The following TENM3 variants were observed in gnomAD, a reference collection of about 807,000 sequenced individuals.
The protein encoded by TENM3 is teneurin transmembrane protein 3.
In TENM3, 63 loss-of-function variants were observed where a neutral mutation model predicts 255.1. The ratio of observed to expected loss-of-function variants is 0.25; its 90% CI spans 0.20 to 0.30. The LOEUF is 0.30. Ranked by LOEUF, TENM3 falls within the 10% of genes least tolerant of loss-of-function variation. The probability of loss-of-function intolerance (pLI) is 1.00; values close to 1 mark genes in which losing one functional copy is unlikely to be tolerated. For missense variants in TENM3, 2,929 were observed against 3,461.1 expected (o/e 0.85, Z 3.86); for synonymous variants, 1,306 against 1,322.3 (o/e 0.99, Z 0.27).
the TENM3 span, among the ~76,000 whole-genome samples, chr4:181,605,294 GAAA>G: frequency 4.0e-4 from 60 of 150,736 alleles, no homozygotes; most frequent in African/African-American, 1.4e-3. Flanking sequence ...AAAGAAAAAA[GAAA>G]AAAAAGAATT....
intron 3 of TENM3, among the ~76,000 whole-genome samples, chr4:182,409,833 T>C (rs1769854821): frequency 6.6e-6 from 1 of 151,976 alleles, no homozygotes; most frequent in Non-Finnish European, 1.5e-5. Flanking sequence ...TTTTTCTTTT[T>C]TTTTTTTATT....
intron 12 of TENM3, among the ~76,000 whole-genome samples, chr4:182,706,424 C>T (rs565256720): frequency 3.9e-5 from 6 of 152,136 alleles, no homozygotes; most frequent in South Asian, 2.1e-4. Context: ...GTAGTTATTG[C>T]GAATACCACT....
At chr4:182,620,815 A>G (rs969353698) in intron 4 of TENM3, among the ~76,000 whole-genome samples, 1 of 152,106 alleles carries the variant, frequency 6.6e-6, no homozygotes, top group Non-Finnish European at 1.5e-5. Context: ...TGCAGCCTCA[A>G]ACTTCTGGGC....
intron 5 of TENM3, among the ~76,000 whole-genome samples, chr4:182,630,101 C>A (rs1263978024): frequency 2.0e-5 from 3 of 152,114 alleles, no homozygotes; most frequent in Non-Finnish European, 4.4e-5. Flanking sequence ...CCTCTGACGG[C>A]CTCTACCAGT....
At chr4:182,101,054 A>AACAGAGGAAGGG in the TENM3 span, among the ~76,000 whole-genome samples, 1 of 26,688 alleles carries the variant, frequency 3.7e-5, no homozygotes, top group Non-Finnish European at 7.9e-5. Flanking sequence ...CAAAAAAAGG[A>AACAGAGGAAGGG]AGGAAGGGAG....
In TENM3 at chr4:182,620,091, A is replaced by G. The variant is rs368640852; in HGVS notation, c.750-8560A>G. ...GATAGCAATTTTTGCAGAATTTTTT[A>G]CGTGTGAGAAGCATATTCCCAGAGC... On this transcript the variant is annotated intron_variant, in intron 4 of 27. Coordinates refer to ENST00000511685, the MANE Select transcript of TENM3 (RefSeq NM_001080477.4). Among the ~76,000 whole-genome samples the G allele has an allele frequency of 1.2e-4, 19 of 152,316 alleles. 1 individual carries two copies. The South Asian group carries it at 3.5e-3, about 28-fold the overall frequency.
intron 1 of TENM3, among the ~76,000 whole-genome samples, chr4:182,155,805 A>G (rs929063048): frequency 2.0e-5 from 3 of 152,146 alleles, no homozygotes; most frequent in Non-Finnish European, 2.9e-5. Context: ...TGATCGAGAA[A>G]CATTACTCAT....
intron 5 of TENM3, among the ~76,000 whole-genome samples, chr4:182,641,002 C>G (rs1352718818): frequency 2.0e-5 from 3 of 152,202 alleles, no homozygotes; most frequent in Non-Finnish European, 2.9e-5. Flanking sequence ...GTAGTGGGTT[C>G]CACAGCCCTC....
At chr4:181,698,203 G>A in the TENM3 span, among the ~76,000 whole-genome samples, 2 of 129,430 alleles carry the variant, frequency 1.5e-5, no homozygotes, top group African/African-American at 5.7e-5. Flanking sequence ...GACAGTGTGA[G>A]ACTCTGTCTC....
the TENM3 span, among the ~76,000 whole-genome samples, chr4:182,094,815 T>C: frequency 6.6e-6 from 1 of 151,530 alleles, no homozygotes; most frequent in Non-Finnish European, 1.5e-5. Context: ...AGTGCAGAAA[T>C]GAGATGACAG....
the TENM3 span, among the ~76,000 whole-genome samples, chr4:181,876,103 T>C: frequency 6.6e-6 from 1 of 152,206 alleles, no homozygotes; most frequent in African/African-American, 2.4e-5. Context: ...AATACTCTTG[T>C]TCATTATTTA....
the TENM3 span, among the ~76,000 whole-genome samples, chr4:181,591,329 A>G: frequency 1.3e-5 from 2 of 152,186 alleles, no homozygotes; most frequent in Admixed American, 1.3e-4. Context: ...TTTATTAAAA[A>G]TTGAAAATAT....
chr4:181,574,276 A>C, the TENM3 span, among the ~76,000 whole-genome samples: 1 of 152,142 alleles, frequency 6.6e-6, no homozygotes, highest in Non-Finnish European at 1.5e-5. Flanking sequence ...TCACGCCTGT[A>C]ATCCCAGCAC....
the TENM3 span, among the ~76,000 whole-genome samples, chr4:181,931,448 C>A: frequency 1.3e-5 from 2 of 152,232 alleles, no homozygotes; most frequent in African/African-American, 2.4e-5. Context: ...CCTAGGAATA[C>A]AACTTACAAG....
intron 6 of TENM3, among the ~76,000 whole-genome samples, 198 bp downstream of exon 6, chr4:182,654,091 T>C (rs1390982953): frequency 2.0e-5 from 3 of 152,186 alleles, no homozygotes; most frequent in Non-Finnish European, 4.4e-5. Context: ...AGGAATAATA[T>C]GATTTTCTGC....
chr4:181,551,836 ATATGTGTGTGTGTGTGTGTGTGTGTG>A, the TENM3 span, among the ~76,000 whole-genome samples: 1 of 20,382 alleles, frequency 4.9e-5, no homozygotes, highest in Non-Finnish European at 1.1e-4. Flanking sequence ...ATATATATGT[ATATGTGTGTGTGTGTGTGTGTGTGTG>A]TGTGTGTGTG....
At chr4:182,096,217 A>G in the TENM3 span, among the ~76,000 whole-genome samples, 1 of 152,180 alleles carries the variant, frequency 6.6e-6, no homozygotes, top group South Asian at 2.1e-4. Context: ...GTCATGCCAT[A>G]ATGACTCAGA....
chr4:182,497,298 G>A (rs1177465767), intron 3 of TENM3, among the ~76,000 whole-genome samples: 2 of 151,670 alleles, frequency 1.3e-5, no homozygotes, highest in Non-Finnish European at 2.9e-5. Flanking sequence ...TGATCTGTCC[G>A]CCTCTACCTC....
intron 11 of TENM3, among the ~76,000 whole-genome samples, chr4:182,686,675 G>A (rs1756599041): frequency 6.6e-6 from 1 of 152,076 alleles, no homozygotes; most frequent in South Asian, 2.1e-4. Flanking sequence ...TCATTAATTA[G>A]CCCTTCAATT....
Sources: allele counts gnomAD v4.1 joint callset (sites outside exome capture counted in the v4.1 genomes callset), GRCh38; gene constraint gnomAD v4.1.1; transcripts MANE v1.5; gene names NCBI Gene and HGNC (gene_info 2026-07-23, HGNC 2026-07-21).